Variants in DSCAML1 observed in about 807,000 individuals in gnomAD.
The protein encoded by DSCAML1 is cell adhesion molecule DSCAML1.
Under a neutral mutation model 200.5 loss-of-function variants are expected in DSCAML1, and 38 were observed. The observed-to-expected ratio is 0.19, with a 90% CI of 0.15 to 0.25. DSCAML1 has a LOEUF of 0.25. Among genes scored for constraint, DSCAML1 ranks in the 10% least tolerant of loss-of-function variants. The probability of loss-of-function intolerance (pLI) is 1.00; values close to 1 mark genes in which losing one functional copy is unlikely to be tolerated. For missense variants in DSCAML1, 2,223 were observed against 2,858.8 expected (o/e 0.78, Z 5.07); for synonymous variants, 1,215 against 1,165.0 (o/e 1.04, Z -0.87).
rs1272771889 is a variant in DSCAML1, at chr11:117,525,010, C to T, written c.732G>A (p.Glu244=). 6.2e-7 allele frequency: 1 copy of T among 1,609,044 alleles called. No homozygotes were observed. Among genetic ancestry groups the T allele is most frequent in the African/African-American group, 1.3e-5 (1 of 74,792 alleles). ...GGTAGCCCGAGGCGGTGCAGGGCAG[C>T]TCCACGGTGTGGCCGGCCCACACTT... is the stretch of plus-strand genomic sequence containing the variant. ...SQEVWAGHTV[E]LPCTASGYPI... Residue 244 remains glutamate (E), a synonymous_variant, in exon 5 of 33, where the codon GAG becomes GAA. Transcript: ENST00000651296.
intron 3 of DSCAML1, among the ~76,000 whole-genome samples, chr11:117,694,057 T>TTATACATATA (rs2053542480): frequency 8.6e-6 from 1 of 116,636 alleles, no homozygotes; most frequent in South Asian, 3.2e-4. Context: ...GGTTCTATCT[T>TTATACATATA]TATATATATA....
chr11:117,434,814 T>A (rs936190585), intron 27 of DSCAML1, among the ~76,000 whole-genome samples: 2 of 152,074 alleles, frequency 1.3e-5, no homozygotes, highest in African/African-American at 4.8e-5. Flanking sequence ...CCATCCATCC[T>A]TCCATCCATT....
chr11:117,438,837 C>T, intron 24 of DSCAML1, 48 bp downstream of exon 24: 2 of 1,453,560 alleles, frequency 1.4e-6, no homozygotes, highest in South Asian at 1.5e-5. Flanking sequence ...CTGCCCCGGG[C>T]CCAGAATTCC....
intron 3 of DSCAML1, among the ~76,000 whole-genome samples, chr11:117,681,030 CCTCCCTCATT>C (rs1332099911): frequency 1.3e-5 from 2 of 152,212 alleles, no homozygotes; most frequent in East Asian, 3.8e-4. Context: ...ATTCCCTCAT[CCTCCCTCATT>C]CGGACCCTGG....
intron 20 of DSCAML1, among the ~76,000 whole-genome samples, chr11:117,446,470 T>A (rs1003240290): frequency 1.3e-4 from 20 of 152,294 alleles, no homozygotes; most frequent in Admixed American, 2.6e-4. Context: ...ATCCTTAATA[T>A]GTAAAGAACA....
chr11:117,455,691 G>A (rs1170570217), intron 19 of DSCAML1, among the ~76,000 whole-genome samples: 1 of 152,188 alleles, frequency 6.6e-6, no homozygotes, highest in Non-Finnish European at 1.5e-5. Context: ...AAAATCCTGA[G>A]GGTGGGATCA....
chr11:117,753,558 C>A (rs1490148957), intron 3 of DSCAML1, among the ~76,000 whole-genome samples: 1 of 152,226 alleles, frequency 6.6e-6, no homozygotes, highest in African/African-American at 2.4e-5. Flanking sequence ...ATAGCAACCT[C>A]AGGGTAATAA....
intron 3 of DSCAML1, among the ~76,000 whole-genome samples, chr11:117,572,975 A>G (rs985399136): frequency 6.6e-6 from 1 of 152,132 alleles, no homozygotes; most frequent in African/African-American, 2.4e-5. Flanking sequence ...AATGGCCCTA[A>G]TGGTGATAAT....
chr11:117,437,176 TG>T lies in DSCAML1; in HGVS notation c.4665del (p.Asn1555LysfsTer35). ...TWYELRMRACNSAGCGNETAQ... is the reference protein window; with the variant it reads ...TWYELRMRACXSAGCGNETAQ... ...GCTGTTTCATTGCCGCAGCCCGCACTGTTGCAAGCCCTCATGCGCAGCTCGT... is the reference window on the plus strand; with the variant it reads ...GCTGTTTCATTGCCGCAGCCCGCACTTTGCAAGCCCTCATGCGCAGCTCGT... On this transcript the variant is annotated frameshift_variant, in exon 26 of 33. Transcript: ENST00000651296. LOFTEE classifies it high-confidence loss of function. This position sits in a 1 kb window ranked among gnomAD's most constrained non-coding sequence, Gnocchi z 5.3. 1 of 1,614,204 alleles carries T rather than the reference TG, an allele frequency of 6.2e-7. No individual in the cohort carries two copies. Among genetic ancestry groups the T allele is most frequent in the Non-Finnish European group, 8.5e-7 (1 of 1,180,042 alleles).
At position 117,676,463 on chromosome 11, in the gene DSCAML1, G is replaced by A. The variant is rs116041595; in HGVS notation, c.511+100328C>T. ...GAGATATCTGGTTTCTCCTCCAGTCGCCTTTCCCTTGTTACCATAGCAGGT... is the reference window on the plus strand; with the variant it reads ...GAGATATCTGGTTTCTCCTCCAGTCACCTTTCCCTTGTTACCATAGCAGGT... On this transcript the variant is annotated intron_variant, in intron 3 of 32. Coordinates refer to ENST00000651296, the MANE Select transcript of DSCAML1 (RefSeq NM_020693.4). Among the ~76,000 whole-genome samples, 798 of 152,294 alleles carry A rather than the reference G, an allele frequency of 5.2e-3. 4 individuals carry two copies. Among genetic ancestry groups the A allele is most frequent in the African/African-American group, 0.018 (743 of 41,568 alleles).
intron 11 of DSCAML1, among the ~76,000 whole-genome samples, chr11:117,487,439 A>T (rs995283121): frequency 6.6e-6 from 1 of 152,116 alleles, no homozygotes; most frequent in Non-Finnish European, 1.5e-5. Context: ...CAAATGGAGA[A>T]ACTGAGGTGA....
intron 1 of DSCAML1, among the ~76,000 whole-genome samples, chr11:117,816,800 G>A (rs1565297942): frequency 9.5e-6 from 1 of 105,752 alleles, no homozygotes; most frequent in Admixed American, 9.5e-5. Context: ...GGAATTGCTG[G>A]GGGGGTGGGG....
intron 3 of DSCAML1, among the ~76,000 whole-genome samples, chr11:117,720,166 C>T (rs1321713630): frequency 1.3e-5 from 2 of 152,148 alleles, no homozygotes; most frequent in Non-Finnish European, 2.9e-5. Context: ...GCCCAGCGCC[C>T]CCCGCCCGCA....
Position 117,428,263 on chromosome 11 carries a change from A to C in DSCAML1, c.*65T>G. 2.1e-6 allele frequency: 2 copies of C among 930,240 alleles called. No individual in the cohort carries two copies. Among genetic ancestry groups the C allele is most frequent in the Non-Finnish European group, 3.4e-6 (2 of 588,584 alleles). The allele number at this position is 930,240 out of a possible 1,614,324, so 57.6% of individuals were successfully genotyped here. A position where few individuals can be genotyped will look rare whatever the true frequency, so the allele number is the denominator to read the frequency against. On this transcript the variant is annotated 3_prime_UTR_variant, in exon 33 of 33. Coordinates refer to ENST00000651296, the MANE Select transcript of DSCAML1 (RefSeq NM_020693.4). ...TTGAATATAAATAATGCAGAAAAAC[A>C]GCCGAGCTGGCGTGTGGGGCTGCGG...
At chr11:117,494,821 G>T (rs932031680) in intron 11 of DSCAML1, among the ~76,000 whole-genome samples, 8 of 152,194 alleles carry the variant, frequency 5.3e-5, no homozygotes, top group Non-Finnish European at 1.2e-4. Flanking sequence ...AGGCCATGTG[G>T]TGATGGAGGC....
chr11:117,602,786 G>A (rs1262535507), intron 3 of DSCAML1, among the ~76,000 whole-genome samples: 1 of 152,112 alleles, frequency 6.6e-6, no homozygotes, highest in Non-Finnish European at 1.5e-5. Context: ...TAGTTGGGAT[G>A]ATAGGAATTC....
At chr11:117,473,738 G>A (rs1156897213) in intron 14 of DSCAML1, among the ~76,000 whole-genome samples, 1 of 152,190 alleles carries the variant, frequency 6.6e-6, no homozygotes, top group East Asian at 1.9e-4. Flanking sequence ...AAACAAAATG[G>A]CAGGCTGTTG....
At chr11:117,501,582 G>T (rs947757533) in intron 11 of DSCAML1, among the ~76,000 whole-genome samples, 1 of 152,132 alleles carries the variant, frequency 6.6e-6, no homozygotes, top group Non-Finnish European at 1.5e-5. Flanking sequence ...GCTGGGGCAG[G>T]TCACTGGGGA....
In DSCAML1 at chr11:117,431,721, C is replaced by A; in HGVS notation, c.5187G>T (p.Val1729=). 3.8e-6 allele frequency: 6 copies of A among 1,578,218 alleles called. No individual in the cohort carries two copies. The highest frequency in any genetic ancestry group is 1.2e-5 in the South Asian group (1 of 85,656). ...GGGCTGACTTCACATTCTTCCTGGA[C>A]ACTGGATCTGCACAGACAGAAGCAA... ...MSDIRPGTNP[V]SRKNVKSAHS... is the part of the protein sequence containing the mutation. The change falls in exon 31 of 33, where the codon GTG becomes GTT. Residue 1729 remains valine, a synonymous_variant. Transcript: ENST00000651296.
Sources: allele counts gnomAD v4.1 joint callset (sites outside exome capture counted in the v4.1 genomes callset), GRCh38; gene constraint gnomAD v4.1.1; non-coding constraint Gnocchi (gnomAD v3.1); transcripts MANE v1.5; gene names NCBI Gene and HGNC (gene_info 2026-07-23, HGNC 2026-07-21).